ZMIZ1: variants seen among roughly 807,000 people sequenced by gnomAD.
ZMIZ1 encodes zinc finger MIZ-type containing 1, also known as zinc finger MIZ domain-containing protein 1.
ZMIZ1 carries 17 observed loss-of-function variants against 113.9 expected under a neutral mutation model. The observed-to-expected ratio is 0.15, with a 90% CI of 0.10 to 0.22. The LOEUF (loss-of-function observed/expected upper bound fraction) is 0.22. Ranked by LOEUF, ZMIZ1 falls within the 10% of genes least tolerant of loss-of-function variation. The probability of loss-of-function intolerance (pLI) is 1.00; values close to 1 mark genes in which losing one functional copy is unlikely to be tolerated. For missense variants in ZMIZ1, 1,059 were observed against 1,477.8 expected, an observed-to-expected ratio of 0.72 and a Z score of 4.65; for synonymous variants, 607 against 603.1, an observed-to-expected ratio of 1.01 and a Z score of -0.09.
chr10:79,237,087 G>A, intron 7 of ZMIZ1, among the ~76,000 whole-genome samples: 1 of 152,132 alleles, frequency 6.6e-6, no homozygotes. Flanking sequence ...GCAGGATGCG[G>A]GGATGTGGGG....
chr10:79,195,005 G>A (rs1435307199), intron 4 of ZMIZ1, among the ~76,000 whole-genome samples: 2 of 152,222 alleles, frequency 1.3e-5, no homozygotes, highest in Non-Finnish European at 2.9e-5. Context: ...GCAAGAAGAA[G>A]CACAGAGCTG....
chr10:79,098,290 G>A (rs1843240840), intron 1 of ZMIZ1, among the ~76,000 whole-genome samples: 1 of 152,202 alleles, frequency 6.6e-6, no homozygotes, highest in Non-Finnish European at 1.5e-5. Flanking sequence ...GGCCCCAGCG[G>A]CATTGGAGAG....
Position 79,314,349 on chromosome 10 carries a change from G to A in ZMIZ1, c.*1600G>A, listed in dbSNP as rs1016113710. On this transcript the variant is annotated 3_prime_UTR_variant, in exon 25 of 25. Transcript: ENST00000334512. Reference sequence around the variant, plus strand: ...GGGGCCCTTTCCTGCTCTCCCGTCCGCTGTGGGTGGTCCCCAGCTCTCCTC... The same window carrying A: ...GGGGCCCTTTCCTGCTCTCCCGTCCACTGTGGGTGGTCCCCAGCTCTCCTC... The A allele has an allele frequency of 1.4e-5, 6 of 429,764 alleles. No individual in the cohort carries two copies. Among genetic ancestry groups the A allele is most frequent in the African/African-American group, 8.1e-5 (4 of 49,590 alleles). 26.6% of individuals were successfully genotyped at this position (429,764 alleles called of 1,614,324 possible). A position where few individuals can be genotyped will look rare whatever the true frequency, so the allele number is the denominator to read the frequency against.
chr10:79,229,202 G>C (rs1257713550), intron 7 of ZMIZ1, among the ~76,000 whole-genome samples: 2 of 152,208 alleles, frequency 1.3e-5, no homozygotes, highest in African/African-American at 4.8e-5. Flanking sequence ...AGGCAACCAG[G>C]TGTTTGTGTT....
At chr10:79,236,352 C>T (rs560047044) in intron 7 of ZMIZ1, among the ~76,000 whole-genome samples, 1 of 152,316 alleles carries the variant, frequency 6.6e-6, no homozygotes, top group African/African-American at 2.4e-5. Context: ...GCCAGGCAGG[C>T]AGACAGTCCG....
intron 8 of ZMIZ1, among the ~76,000 whole-genome samples, chr10:79,289,174 C>G (rs769829774): frequency 6.6e-6 from 1 of 151,864 alleles, no homozygotes; most frequent in Admixed American, 6.6e-5. Context: ...CATGAGAGAT[C>G]GGGGTGGGGG....
chr10:79,290,156 G>T (rs764698225), intron 9 of ZMIZ1, among the ~76,000 whole-genome samples: 1 of 152,222 alleles, frequency 6.6e-6, no homozygotes, highest in Non-Finnish European at 1.5e-5. Flanking sequence ...TTCTTCCCTA[G>T]CCCATTTGCT....
At chr10:79,197,998 G>A (rs995560521) in intron 4 of ZMIZ1, among the ~76,000 whole-genome samples, 3 of 152,142 alleles carry the variant, frequency 2.0e-5, no homozygotes, top group African/African-American at 7.2e-5. Flanking sequence ...GGTGGCTCAC[G>A]CCTGTAATCC....
chr10:79,286,428 G>A (rs958401867), intron 8 of ZMIZ1, among the ~76,000 whole-genome samples: 4 of 152,272 alleles, frequency 2.6e-5, no homozygotes, highest in African/African-American at 9.6e-5. Context: ...CCCAGAATGA[G>A]ATGAGTCACG....
chr10:79,148,229 G>T (rs1845572172), intron 3 of ZMIZ1, among the ~76,000 whole-genome samples: 1 of 152,328 alleles, frequency 6.6e-6, no homozygotes, highest in East Asian at 1.9e-4. Flanking sequence ...GCATGATCAC[G>T]GCCGAACTGG....
intron 23 of ZMIZ1, among the ~76,000 whole-genome samples, chr10:79,308,318 C>A (rs1022636825): frequency 6.6e-6 from 1 of 152,198 alleles, no homozygotes; most frequent in Non-Finnish European, 1.5e-5. Flanking sequence ...GAGTAAAACT[C>A]CTGGCAGTGC....
chr10:79,201,549 G>C, intron 4 of ZMIZ1, 35 bp from the exon 5 acceptor site: 1 of 1,522,472 alleles, frequency 6.6e-7, no homozygotes, highest in South Asian at 1.2e-5. Flanking sequence ...CAGGCCTGGC[G>C]TGATCCAGTG....
intron 11 of ZMIZ1, 88 bp downstream of exon 11, chr10:79,292,444 A>G: frequency 6.6e-7 from 1 of 1,518,920 alleles, no homozygotes; most frequent in Non-Finnish European, 9.0e-7. Context: ...GTCAGTGCTT[A>G]TGGGGCCATG....
intron 7 of ZMIZ1, among the ~76,000 whole-genome samples, chr10:79,261,962 T>C (rs1851297980): frequency 6.6e-6 from 1 of 152,308 alleles, no homozygotes; most frequent in Middle Eastern, 3.4e-3. Flanking sequence ...TCCTGTCTCA[T>C]AGGCCAGGGA....
intron 1 of ZMIZ1, among the ~76,000 whole-genome samples, chr10:79,091,264 G>A (rs1459681073): frequency 6.6e-6 from 1 of 152,082 alleles, no homozygotes; most frequent in Non-Finnish European, 1.5e-5. Flanking sequence ...TACATAAGTA[G>A]GTATATGTAT....
In ZMIZ1 at chr10:79,139,169, G is replaced by A. The variant is rs895797111; in HGVS notation, c.-226-513G>A. Among the ~76,000 whole-genome samples the A allele has an allele frequency of 3.3e-5, 5 of 152,210 alleles. No individual in the cohort carries two copies. The South Asian group carries it at 8.3e-4, about 25-fold the overall frequency. ...ATAAAATGGCTCCGAGTGTTGGTCAGGGATCTGGTGAGCAATTCATAATGA... is the reference window on the plus strand; with the variant it reads ...ATAAAATGGCTCCGAGTGTTGGTCAAGGATCTGGTGAGCAATTCATAATGA... On this transcript the variant is annotated intron_variant, in intron 2 of 24. Coordinates refer to ENST00000334512, the MANE Select transcript of ZMIZ1 (RefSeq NM_020338.4).
intron 8 of ZMIZ1, among the ~76,000 whole-genome samples, chr10:79,286,545 G>A (rs1312748532): frequency 2.0e-5 from 3 of 152,274 alleles, no homozygotes; most frequent in African/African-American, 7.2e-5. Flanking sequence ...CCCAGTGCAC[G>A]GGCAGCATGC....
chr10:79,178,114 C>A (rs115969173), intron 4 of ZMIZ1, among the ~76,000 whole-genome samples: 2 of 152,170 alleles, frequency 1.3e-5, no homozygotes, highest in Admixed American at 6.5e-5. Flanking sequence ...AGATGCCCCC[C>A]ACCCTGCAGC....
intron 12 of ZMIZ1, chr10:79,293,908 G>A (rs1853693932): frequency 1.7e-6 from 1 of 592,118 alleles, no homozygotes; most frequent in Non-Finnish European, 3.0e-6. Context: ...GAAGTGCTTG[G>A]CCCTGGGCTG....
Sources: gnomAD v4.1 joint callset for allele counts (sites outside exome capture counted in the v4.1 genomes callset) on GRCh38, gnomAD v4.1.1 for gene constraint, MANE v1.5 for transcripts, NCBI Gene and HGNC (gene_info 2026-07-23, HGNC 2026-07-21) for gene names.